The following MAP2 variants were observed in gnomAD, a reference collection of about 807,000 sequenced individuals.
MAP2 encodes microtubule associated protein 2, also known as microtubule-associated protein 2.
A neutral mutation model predicts 137.6 loss-of-function variants in MAP2; 14 were observed. That is an observed-to-expected ratio of 0.10 (90% confidence interval 0.07 to 0.16). The LOEUF is 0.16. Ranked by LOEUF, MAP2 falls within the 10% of genes least tolerant of loss-of-function variation. The pLI is 1.00. For synonymous variants in MAP2, 786 were observed against 782.3 expected (o/e 1.00, Z -0.08); for missense variants, 2,088 against 2,191.5 (o/e 0.95, Z 0.94).
intron 3 of MAP2, among the ~76,000 whole-genome samples, chr2:209,602,801 G>A (rs1303990611): frequency 2.0e-5 from 3 of 152,132 alleles, no homozygotes; most frequent in East Asian, 3.9e-4. Flanking sequence ...TGGGCCTTGC[G>A]GCACTTCTCT....
At chr2:209,450,107 A>C (rs1005377604) in intron 1 of MAP2, among the ~76,000 whole-genome samples, 6 of 151,958 alleles carry the variant, frequency 3.9e-5, no homozygotes, top group African/African-American at 1.2e-4. Context: ...ACGGCCAGCA[A>C]ATTTTTGTAT....
chr2:209,527,993 C>T (rs1237660763), intron 2 of MAP2, among the ~76,000 whole-genome samples: 1 of 152,118 alleles, frequency 6.6e-6, no homozygotes, highest in Admixed American at 6.6e-5. Context: ...ATACGAAGTT[C>T]TCTCTCTAAA....
At chr2:209,582,794 T>G (rs2076788581) in intron 3 of MAP2, among the ~76,000 whole-genome samples, 1 of 152,200 alleles carries the variant, frequency 6.6e-6, no homozygotes, top group Non-Finnish European at 1.5e-5. Flanking sequence ...TCATTTATTT[T>G]CATTATTAAA....
At chr2:209,543,613 G>A (rs1467121974) in intron 2 of MAP2, among the ~76,000 whole-genome samples, 1 of 152,154 alleles carries the variant, frequency 6.6e-6, no homozygotes, top group African/African-American at 2.4e-5. Context: ...CTTCATCACT[G>A]CTGTCTTAAA....
intron 1 of MAP2, among the ~76,000 whole-genome samples, chr2:209,429,586 C>T (rs1300602033): frequency 1.3e-5 from 2 of 152,052 alleles, no homozygotes; most frequent in Non-Finnish European, 2.9e-5. Flanking sequence ...CATCATTAGC[C>T]ATCTTAATCT....
chr2:209,690,478 T>TA (rs907409795), intron 7 of MAP2: 118 of 664,414 alleles, frequency 1.8e-4, no homozygotes, highest in Admixed American at 9.6e-4. Context: ...AATGGTAAAA[T>TA]AAAAAAACAG....
intron 14 of MAP2, among the ~76,000 whole-genome samples, chr2:209,729,550 C>A (rs980370749): frequency 3.3e-5 from 5 of 152,054 alleles, no homozygotes; most frequent in Non-Finnish European, 7.4e-5. Flanking sequence ...TTTTAGAGTT[C>A]TTGTTATACC....
chr2:209,666,339 A>G (rs1314618846), intron 5 of MAP2, among the ~76,000 whole-genome samples: 4 of 152,108 alleles, frequency 2.6e-5, no homozygotes. Flanking sequence ...AAAAGAAGCA[A>G]ATGATTGAGT....
At chr2:209,691,193 T>G (rs1393563383) in intron 7 of MAP2, among the ~76,000 whole-genome samples, 1 of 152,118 alleles carries the variant, frequency 6.6e-6, no homozygotes, top group African/African-American at 2.4e-5. Flanking sequence ...CATGTATATT[T>G]TTGTTTTTAT....
chr2:209,603,426 G>T (rs1367268883), intron 3 of MAP2, among the ~76,000 whole-genome samples: 3 of 152,040 alleles, frequency 2.0e-5, no homozygotes, highest in Admixed American at 6.6e-5. Flanking sequence ...GGGATGGGGG[G>T]CGGTTATCAC....
chr2:209,616,792 G>C (rs1252647845), intron 3 of MAP2, among the ~76,000 whole-genome samples: 1 of 152,170 alleles, frequency 6.6e-6, no homozygotes, highest in African/African-American at 2.4e-5. Context: ...TCTGAAAATA[G>C]ACAGTGGGAT....
At chr2:209,611,237 C>G (rs183058341) in intron 3 of MAP2, among the ~76,000 whole-genome samples, 21 of 151,940 alleles carry the variant, frequency 1.4e-4, no homozygotes, top group African/African-American at 5.1e-4. Context: ...ATATTGAGCA[C>G]TTGTGAGGAA....
At chr2:209,551,760 C>A (rs562296743) in intron 2 of MAP2, among the ~76,000 whole-genome samples, 8 of 152,046 alleles carry the variant, frequency 5.3e-5, no homozygotes, top group African/African-American at 1.9e-4. Flanking sequence ...TATAGTATGG[C>A]CAATTAAGAA....
chr2:209,492,377 C>G (rs2059222028), intron 1 of MAP2, among the ~76,000 whole-genome samples: 1 of 152,094 alleles, frequency 6.6e-6, no homozygotes, highest in Non-Finnish European at 1.5e-5. Context: ...TGAAAACTGG[C>G]ACAAGAAAAG....
chr2:209,569,945 A>T (rs547222114), intron 2 of MAP2, among the ~76,000 whole-genome samples: 160 of 151,978 alleles, frequency 1.1e-3, no homozygotes, highest in Non-Finnish European at 1.9e-3. Flanking sequence ...TTAAAAACCC[A>T]TGAGCCTATA....
At chr2:209,453,395 GT>G (rs1460923494) in intron 1 of MAP2, among the ~76,000 whole-genome samples, 11 of 152,050 alleles carry the variant, frequency 7.2e-5, no homozygotes, top group Admixed American at 2.6e-4. Context: ...TAAAAAGAAA[GT>G]TTTTTTCCCC....
intron 6 of MAP2, 113 bp downstream of exon 6, chr2:209,678,798 C>G: frequency 2.0e-6 from 1 of 506,956 alleles, no homozygotes; most frequent in Non-Finnish European, 3.5e-6. Context: ...TTACATGTAA[C>G]ATTCATCAGA....
intron 2 of MAP2, among the ~76,000 whole-genome samples, chr2:209,556,962 T>C (rs1254097292): frequency 6.6e-6 from 1 of 152,126 alleles, no homozygotes; most frequent in Non-Finnish European, 1.5e-5. Context: ...ATATTAAATA[T>C]GTATTATTAT....
Position 209,695,916 on chromosome 2 carries a change from T to G in MAP2, c.3746T>G (p.Leu1249Arg), listed in dbSNP as rs1195524947. 1 of 1,613,986 alleles carries G rather than the reference T, an allele frequency of 6.2e-7. No homozygotes were observed. Among genetic ancestry groups the G allele is most frequent in the Non-Finnish European group, 8.5e-7 (1 of 1,180,002 alleles). ...GCCCAGGGAGAATATGATAAACTGC[T>G]CTTCCGCTCAGACACCCTTCAGATA... Reference protein sequence around the residue: ...IEAQGEYDKLLFRSDTLQITD... With the variant: ...IEAQGEYDKLRFRSDTLQITD... The change falls in exon 8 of 16, where the codon CTC becomes CGC. Residue 1249 changes from leucine (L) to arginine (R), a missense_variant. Leu to Arg is a moderately radical substitution (Grantham distance 102). Transcript: ENST00000682079.
Sources: gnomAD v4.1 joint callset for allele counts (sites outside exome capture counted in the v4.1 genomes callset) on GRCh38, gnomAD v4.1.1 for gene constraint, MANE v1.5 for transcripts, NCBI Gene and HGNC (gene_info 2026-07-23, HGNC 2026-07-21) for gene names.